DZIP1: variants seen among roughly 807,000 people sequenced by gnomAD.
DZIP1 encodes the protein DAZ interacting zinc finger protein 1.
Under a neutral mutation model 107.6 loss-of-function variants are expected in DZIP1, and 97 were observed. The ratio of observed to expected loss-of-function variants is 0.90; its 90% CI spans 0.77 to 1.07. The LOEUF is 1.07. Ranked by LOEUF, DZIP1 falls within the 50% of genes least tolerant of loss-of-function variation. DZIP1 has a pLI of 0.00. For synonymous variants in DZIP1, 390 were observed against 386.4 expected, an observed-to-expected ratio of 1.01 and a Z score of -0.11; for missense variants, 1,035 against 1,063.6, an observed-to-expected ratio of 0.97 and a Z score of 0.37.
intron 5 of DZIP1, chr13:95,637,041 A>G (rs1877894135): frequency 6.6e-6 from 1 of 152,220 alleles, no homozygotes; most frequent in African/African-American, 2.4e-5. Flanking sequence ...CAGAAGACAA[A>G]GGAACCACAT....
intron 12 of DZIP1, among the ~76,000 whole-genome samples, chr13:95,610,111 T>TGTGAGAGA (rs368276400): frequency 3.9e-5 from 5 of 126,670 alleles, no homozygotes; most frequent in Non-Finnish European, 8.6e-5. Context: ...TGTGTGTGTG[T>TGTGAGAGA]GAGAGAGAGA....
intron 5 of DZIP1, among the ~76,000 whole-genome samples, chr13:95,636,536 C>A: frequency 1.0e-5 from 1 of 99,190 alleles, no homozygotes. Flanking sequence ...AAAACAAGAC[C>A]TTGACTCAAA....
At chr13:95,627,462 A>C (rs1326977574) in intron 7 of DZIP1, among the ~76,000 whole-genome samples, 2 of 152,254 alleles carry the variant, frequency 1.3e-5, no homozygotes, top group Non-Finnish European at 2.9e-5. Flanking sequence ...ACCCAATTAA[A>C]AAATGGGCAA....
chr13:95,585,686 T>C (rs761693269), intron 21 of DZIP1, among the ~76,000 whole-genome samples: 1 of 152,240 alleles, frequency 6.6e-6, no homozygotes. Flanking sequence ...GTGAAGAAGA[T>C]CTGAAGGGCC....
intron 12 of DZIP1, among the ~76,000 whole-genome samples, chr13:95,610,669 C>T (rs976809181): frequency 1.2e-4 from 18 of 152,102 alleles, no homozygotes; most frequent in African/African-American, 4.1e-4. Flanking sequence ...GGTATATTAT[C>T]CCATTTAATC....
chr13:95,605,957 G>A, intron 14 of DZIP1, 46 bp downstream of exon 14: 2 of 1,583,524 alleles, frequency 1.3e-6, no homozygotes. Context: ...ATCCAACTCA[G>A]GGTGGCAACT....
At position 95,580,429 on chromosome 13, in the gene DZIP1, G is replaced by C. The variant is rs7333332; in HGVS notation, c.*1805C>G. 90,857 of 151,890 alleles carry C rather than the reference G, an allele frequency of 0.6. 27,612 individuals are homozygous for C. The highest frequency in any genetic ancestry group is 0.68 in the African/African-American group (28,134 of 41,416). The allele number at this position is 151,890 out of a possible 1,614,324, so 9.4% of individuals were successfully genotyped here. On this transcript the variant is annotated 3_prime_UTR_variant, in exon 23 of 23. Transcript: ENST00000376829. ...ATATAGTGACTTAATTTAAATACTG[G>C]GTTTACTTAGCAAAAGTTCATTTCC...
chr13:95,631,477 A>C (rs1391490510), intron 6 of DZIP1, among the ~76,000 whole-genome samples: 4 of 151,850 alleles, frequency 2.6e-5, no homozygotes, highest in Non-Finnish European at 4.4e-5. Flanking sequence ...AAAAAAAAAA[A>C]CAAAAAACGA....
At position 95,641,749 on chromosome 13, in the gene DZIP1, G is replaced by T. The variant is rs780132404; in HGVS notation, c.143C>A (p.Pro48His). 2 of 1,588,716 alleles carry T rather than the reference G, an allele frequency of 1.3e-6. No individual in the cohort carries two copies. Among genetic ancestry groups the T allele is most frequent in the African/African-American group, 1.3e-5 (1 of 74,682 alleles). ...AGAASMACAP[P>H]SAASGPLPFF... is the part of the protein sequence containing the mutation. Reference sequence around the variant, plus strand: ...GGGCAGGGGCCCCGAAGCCGCGCTGGGGGGCGCACAGGCCATGGAGGCCGC... The same window carrying T: ...GGGCAGGGGCCCCGAAGCCGCGCTGTGGGGCGCACAGGCCATGGAGGCCGC... Residue 48 changes from proline to histidine, a missense_variant, in exon 5 of 23, where the codon CCC (proline) becomes CAC (histidine). Coordinates refer to ENST00000376829, the MANE Select transcript of DZIP1 (RefSeq NM_198968.4). The surrounding 1 kb of genome is among the most constrained non-coding windows in gnomAD (Gnocchi z 4.3).
At chr13:95,622,853 C>T (rs1876064682) in intron 8 of DZIP1, among the ~76,000 whole-genome samples, 1 of 151,522 alleles carries the variant, frequency 6.6e-6, no homozygotes, top group Non-Finnish European at 1.5e-5. Context: ...AGCAATCCTT[C>T]CACCTCAGCC....
At chr13:95,611,612 A>G in intron 11 of DZIP1, 119 bp from the exon 12 acceptor site, 1 of 833,650 alleles carries the variant, frequency 1.2e-6, no homozygotes, top group South Asian at 1.6e-5. Flanking sequence ...ATCCAGGGAC[A>G]TAGGGCATGT....
chr13:95,607,806 T>C (rs1056827782), intron 13 of DZIP1, among the ~76,000 whole-genome samples: 19 of 152,242 alleles, frequency 1.2e-4, no homozygotes, highest in African/African-American at 4.6e-4. Flanking sequence ...TTCATTCCCT[T>C]ATTATGAAAG....
At chr13:95,583,803 G>A (rs995172196) in intron 22 of DZIP1, among the ~76,000 whole-genome samples, 10 of 151,958 alleles carry the variant, frequency 6.6e-5, no homozygotes, top group Non-Finnish European at 1.5e-4. Flanking sequence ...TCTTCATGAA[G>A]AGAATACGTG....
intron 9 of DZIP1, among the ~76,000 whole-genome samples, chr13:95,621,113 G>A (rs897108533): frequency 2.0e-5 from 3 of 152,024 alleles, no homozygotes; most frequent in Non-Finnish European, 4.4e-5. Flanking sequence ...AGAGGCTCAG[G>A]AGAACTTTCT....
chr13:95,618,032 G>A (rs776149779), intron 10 of DZIP1: 4 of 518,930 alleles, frequency 7.7e-6, no homozygotes, highest in Non-Finnish European at 1.5e-5. Context: ...AGCCCATGGA[G>A]ATGTCGAGTA....
chr13:95,587,550 G>A lies in DZIP1; in HGVS notation c.2207C>T (p.Pro736Leu). 1 of 1,613,950 alleles carries A rather than the reference G, an allele frequency of 6.2e-7. No individual in the cohort carries two copies. The highest frequency in any genetic ancestry group is 1.7e-5 in the Admixed American group (1 of 60,008). The change falls in exon 20 of 23, where the codon CCC becomes CTC. Residue 736 changes from proline (P) to leucine (L), a missense_variant. Physicochemically the swap from Pro to Leu is moderately conservative, Grantham distance 98. Transcript: ENST00000376829. Reference protein sequence around the residue: ...GSEIEDTDDSPKPAGVAVKTP... With the variant: ...GSEIEDTDDSLKPAGVAVKTP... ...AGGTAACAGCTCACCTGCGGGCTTGGGAGAATCATCAGTGTCCTCGATTTC... is the reference window on the plus strand; with the variant it reads ...AGGTAACAGCTCACCTGCGGGCTTGAGAGAATCATCAGTGTCCTCGATTTC...
intron 7 of DZIP1, among the ~76,000 whole-genome samples, chr13:95,629,416 AG>A (rs1476084123): frequency 2.0e-5 from 3 of 152,342 alleles, no homozygotes; most frequent in African/African-American, 7.2e-5. Context: ...CACATAGATG[AG>A]AAAAAAGAAA....
At position 95,641,717 on chromosome 13, in the gene DZIP1, GGAA is replaced by G. The variant is rs1407767490; in HGVS notation, c.172_174del (p.Phe58del). On this transcript the variant is annotated inframe_deletion, in exon 5 of 23. Transcript: ENST00000376829. The surrounding 1 kb of genome is among the most constrained non-coding windows in gnomAD (Gnocchi z 4.3). ...ACACTCTCCAGCCGCGGCCTGAACT[GGAA>G]GAAGGGCAGGGGCCCCGAAGCCGCG... 1 of 1,600,220 alleles carries G rather than the reference GGAA, an allele frequency of 6.2e-7. No homozygotes were observed. Among genetic ancestry groups the G allele is most frequent in the African/African-American group, 1.3e-5 (1 of 74,920 alleles).
intron 20 of DZIP1, 92 bp from the exon 21 acceptor site, chr13:95,586,228 G>T: frequency 9.2e-7 from 1 of 1,092,552 alleles, no homozygotes; most frequent in Non-Finnish European, 1.3e-6. Context: ...CTTTGAAAGA[G>T]TCTAAGCTTT....
Sources: gnomAD v4.1 joint callset for allele counts (sites outside exome capture counted in the v4.1 genomes callset) on GRCh38, gnomAD v4.1.1 for gene constraint, Gnocchi (gnomAD v3.1) non-coding constraint, MANE v1.5 for transcripts, NCBI Gene and HGNC (gene_info 2026-07-23, HGNC 2026-07-21) for gene names.